CD28: variants seen among roughly 807,000 people sequenced by gnomAD.
CD28 encodes T-cell-specific surface glycoprotein CD28.
In CD28, 8 loss-of-function variants were observed where a neutral mutation model predicts 21.4. The observed-to-expected ratio is 0.37, with a 90% CI of 0.22 to 0.68. The LOEUF is 0.68. Among genes scored for constraint, CD28 ranks in the 30% least tolerant of loss-of-function variants. The pLI is 0.55. For synonymous variants in CD28, 106 were observed against 104.0 expected, an observed-to-expected ratio of 1.02 and a Z score of -0.12; for missense variants, 239 against 272.2, an observed-to-expected ratio of 0.88 and a Z score of 0.86.
Position 203,738,503 on chromosome 2 carries a change from T to C in CD28, c.*3591T>C, listed in dbSNP as rs1227327578. On this transcript the variant is annotated 3_prime_UTR_variant, in exon 4 of 4. Coordinates refer to ENST00000324106, the MANE Select transcript of CD28 (RefSeq NM_006139.4). Reference sequence around the variant, plus strand: ...GGAGTCTGTGTTATCTGCAAGGCCATTTGAGGCTCAGAAAGTCTCTCTTTC... The same window carrying C: ...GGAGTCTGTGTTATCTGCAAGGCCACTTGAGGCTCAGAAAGTCTCTCTTTC... 2 of 152,168 alleles carry C rather than the reference T, an allele frequency of 1.3e-5. No homozygotes were observed. Among genetic ancestry groups the C allele is most frequent in the Non-Finnish European group, 2.9e-5 (2 of 68,032 alleles). 9.4% of individuals were successfully genotyped at this position (152,168 alleles called of 1,614,324 possible). A position where few individuals can be genotyped will look rare whatever the true frequency, so the allele number is the denominator to read the frequency against.
intron 1 of CD28, among the ~76,000 whole-genome samples, chr2:203,719,578 G>A (rs577468028): frequency 6.6e-6 from 1 of 152,294 alleles, no homozygotes; most frequent in South Asian, 2.1e-4. Context: ...CATAAGTTAT[G>A]AGCTTAAATT....
intron 1 of CD28, among the ~76,000 whole-genome samples, chr2:203,725,227 T>C (rs1486847787): frequency 6.6e-6 from 1 of 150,910 alleles, no homozygotes; most frequent in Non-Finnish European, 1.5e-5. Context: ...AGGGCGGAGG[T>C]TGCAGTCAGC....
At chr2:203,711,725 T>G (rs544601800) in intron 1 of CD28, among the ~76,000 whole-genome samples, 1 of 152,348 alleles carries the variant, frequency 6.6e-6, no homozygotes, top group South Asian at 2.1e-4. Flanking sequence ...GTAATCTACT[T>G]GTCTTTCATG....
chr2:203,734,953 A>G lies in CD28; in HGVS notation c.*41A>G, dbSNP rs200289442. 9.8e-4 allele frequency: 1,577 copies of G among 1,605,392 alleles called. 11 individuals are homozygous for G. The highest frequency in any genetic ancestry group is 8.7e-3 in the Middle Eastern group (52 of 5,982). On this transcript the variant is annotated 3_prime_UTR_variant, in exon 4 of 4. Coordinates refer to ENST00000324106, the MANE Select transcript of CD28 (RefSeq NM_006139.4). ...AGAAGCCAGCCGGCTGGCAGCCCCC[A>G]TCTGCTCAATATCACTGCTCTGGAT...
chr2:203,735,324 A>T lies in CD28; in HGVS notation c.*412A>T, dbSNP rs1694003824. 1 of 182,258 alleles carries T rather than the reference A, an allele frequency of 5.5e-6. No individual in the cohort carries two copies. The highest frequency in any genetic ancestry group is 1.3e-4 in the South Asian group (1 of 7,786). The allele number at this position is 182,258 out of a possible 1,614,324, so 11.3% of individuals were successfully genotyped here. A position where few individuals can be genotyped will look rare whatever the true frequency, so the allele number is the denominator to read the frequency against. On this transcript the variant is annotated 3_prime_UTR_variant, in exon 4 of 4. Transcript: ENST00000324106. ...GGCTAGGAAATCATTCCTTTTGGTT[A>T]AATGGGTGTTTAATCTTTTGGTTAG...
rs899982965 is a variant in CD28 at position 203,723,936 on chromosome 2, A to G, written c.53-2697A>G. Among the ~76,000 whole-genome samples, 3 of 152,358 alleles carry G rather than the reference A, an allele frequency of 2.0e-5. No homozygotes were observed. In the East Asian group the frequency reaches 5.8e-4, roughly 29 times the overall value. On this transcript the variant is annotated intron_variant, in intron 1 of 3. Coordinates refer to ENST00000324106, the MANE Select transcript of CD28 (RefSeq NM_006139.4). ...AACATACGTCCACACAAAAATCTGTATGCAAATGCTCATAGTAGCATTATT... is the reference window on the plus strand; with the variant it reads ...AACATACGTCCACACAAAAATCTGTGTGCAAATGCTCATAGTAGCATTATT...
intron 3 of CD28, among the ~76,000 whole-genome samples, chr2:203,730,097 A>G (rs1032946715): frequency 6.6e-6 from 1 of 152,204 alleles, no homozygotes; most frequent in Non-Finnish European, 1.5e-5. Context: ...AACAGTTTTA[A>G]TGCGTATATA....
chr2:203,732,965 C>A (rs17449270), intron 3 of CD28, among the ~76,000 whole-genome samples: 19,388 of 152,198 alleles, frequency 0.13, 1,490 homozygotes, highest in Middle Eastern at 0.19. Context: ...TGTGGCCTCT[C>A]TACCAGCTAT....
intron 2 of CD28, among the ~76,000 whole-genome samples, chr2:203,729,218 G>A (rs1466390356): frequency 6.6e-6 from 1 of 152,194 alleles, no homozygotes; most frequent in Admixed American, 6.5e-5. Context: ...GCAGTCCAGT[G>A]TTCTGACTGC....
intron 1 of CD28, among the ~76,000 whole-genome samples, chr2:203,718,888 A>G (rs532683361): frequency 6.6e-6 from 1 of 152,368 alleles, no homozygotes; most frequent in East Asian, 1.9e-4. Flanking sequence ...TGGGTAAGCT[A>G]GAATGGAAGA....
chr2:203,715,624 T>A (rs1408828621), intron 1 of CD28, among the ~76,000 whole-genome samples: 1 of 152,164 alleles, frequency 6.6e-6, no homozygotes, highest in Non-Finnish European at 1.5e-5. Flanking sequence ...ATATTAACTG[T>A]CATCCTAATA....
chr2:203,724,986 G>A (rs1293687418), intron 1 of CD28, among the ~76,000 whole-genome samples: 1 of 152,068 alleles, frequency 6.6e-6, no homozygotes, highest in African/African-American at 2.4e-5. Flanking sequence ...AAAGTGGTTT[G>A]TTGTTTTAGA....
Position 203,737,151 on chromosome 2 carries a change from G to A in CD28, c.*2239G>A, listed in dbSNP as rs199971070. On this transcript the variant is annotated 3_prime_UTR_variant, in exon 4 of 4. Transcript: ENST00000324106. ...AGGTCTTTTAATTTTTTTTTAATGTGAGAAGGAAGGGAGGAGTAGGAATCT... is the reference window on the plus strand; with the variant it reads ...AGGTCTTTTAATTTTTTTTTAATGTAAGAAGGAAGGGAGGAGTAGGAATCT... 1 of 151,986 alleles carries A rather than the reference G, an allele frequency of 6.6e-6. No individual in the cohort carries two copies. The highest frequency in any genetic ancestry group is 1.9e-4 in the East Asian group (1 of 5,190). 9.4% of individuals were successfully genotyped at this position (151,986 alleles called of 1,614,324 possible).
Position 203,735,104 on chromosome 2 carries a change from T to G in CD28, c.*192T>G. On this transcript the variant is annotated 3_prime_UTR_variant, in exon 4 of 4. Transcript: ENST00000324106. ...AGACTCTGAAATGAAGTAAAAGAGA[T>G]TTCCTGTGACAGGCCAAGTCTTACA... The G allele has an allele frequency of 2.8e-5, 17 of 613,060 alleles. No homozygotes were observed. The highest frequency in any genetic ancestry group is 9.1e-5 in the East Asian group (3 of 33,118). 38.0% of individuals were successfully genotyped at this position (613,060 alleles called of 1,614,324 possible). A position where few individuals can be genotyped will look rare whatever the true frequency, so the allele number is the denominator to read the frequency against.
intron 1 of CD28, among the ~76,000 whole-genome samples, chr2:203,717,023 T>G (rs1429649507): frequency 1.3e-5 from 2 of 152,004 alleles, no homozygotes; most frequent in African/African-American, 4.8e-5. Flanking sequence ...ATTTTTGTAT[T>G]TTTTGTAGAA....
intron 3 of CD28, among the ~76,000 whole-genome samples, chr2:203,733,029 G>A (rs1244862114): frequency 6.6e-6 from 1 of 152,168 alleles, no homozygotes. Context: ...TTTGGCAAAG[G>A]GAGTCCTCAG....
intron 1 of CD28, among the ~76,000 whole-genome samples, chr2:203,724,942 C>T (rs558426265): frequency 2.0e-4 from 30 of 152,162 alleles, no homozygotes; most frequent in African/African-American, 6.7e-4. Context: ...CAAAAAAATG[C>T]TTTTGTTTGC....
At chr2:203,712,770 G>A (rs1693351791) in intron 1 of CD28, among the ~76,000 whole-genome samples, 1 of 152,192 alleles carries the variant, frequency 6.6e-6, no homozygotes, top group African/African-American at 2.4e-5. Context: ...GAATTAGACT[G>A]GACAGTAGAC....
chr2:203,711,252 A>G (rs1293175409), intron 1 of CD28, among the ~76,000 whole-genome samples: 1 of 152,218 alleles, frequency 6.6e-6, no homozygotes, highest in African/African-American at 2.4e-5. Context: ...CAAGTGTCTA[A>G]CTTTTTCCTT....
Sources: gnomAD v4.1 joint callset for allele counts (sites outside exome capture counted in the v4.1 genomes callset) on GRCh38, gnomAD v4.1.1 for gene constraint, MANE v1.5 for transcripts, NCBI Gene and HGNC (gene_info 2026-07-23, HGNC 2026-07-21) for gene names.